Variants in DOCK8 observed in about 807,000 individuals in gnomAD.
DOCK8 encodes dedicator of cytokinesis 8, also known as dedicator of cytokinesis protein 8.
DOCK8 carries 141 observed loss-of-function variants against 245.6 expected under a neutral mutation model. That is an observed-to-expected ratio of 0.57 (90% CI 0.50 to 0.66). The LOEUF is 0.66. Ranked by LOEUF, DOCK8 falls within the 30% of genes least tolerant of loss-of-function variation. The probability of loss-of-function intolerance (pLI) is 0.00; values close to 1 mark genes in which losing one functional copy is unlikely to be tolerated. For synonymous variants in DOCK8, 1,168 were observed against 970.2 expected (o/e 1.20, Z -3.79); for missense variants, 2,965 against 2,603.4 (o/e 1.14, Z -3.02).
intron 1 of DOCK8, among the ~76,000 whole-genome samples, chr9:229,218 C>G (rs1468086268): frequency 2.6e-5 from 4 of 152,106 alleles, no homozygotes; most frequent in Admixed American, 2.6e-4. Flanking sequence ...AAAATTAATA[C>G]TATCCCGTTT....
At position 370,286 on chromosome 9, in the gene DOCK8, T is replaced by C. The variant is rs1402573131; in HGVS notation, c.1854T>C (p.Val618=). 1 of 1,614,020 alleles carries C rather than the reference T, an allele frequency of 6.2e-7. No homozygotes were observed. Among genetic ancestry groups the C allele is most frequent in the East Asian group, 2.2e-5 (1 of 44,888 alleles). ...PEFLQEVYTA[V]TYHNKSPDFY... ...TTCTGCAGGAAGTGTACACAGCTGT[T>C]ACATACCATAATAAGTAAGTCTATT... is the stretch of plus-strand genomic sequence containing the variant. The change falls in exon 16 of 48, where the codon GTT becomes GTC. Residue 618 remains valine, a synonymous_variant. Transcript: ENST00000432829.
chr9:252,132 C>G (rs926698518), intron 1 of DOCK8, among the ~76,000 whole-genome samples: 3 of 151,916 alleles, frequency 2.0e-5, no homozygotes, highest in Admixed American at 6.6e-5. Context: ...TGCCACCATG[C>G]CCGGCTAATT....
intron 6 of DOCK8, among the ~76,000 whole-genome samples, chr9:315,657 G>A (rs191889137): frequency 4.6e-5 from 7 of 152,232 alleles, no homozygotes; most frequent in Non-Finnish European, 7.4e-5. Flanking sequence ...AGTATTGAGC[G>A]AGAAAGGTGG....
intron 1 of DOCK8, 80 bp from the exon 2 acceptor site, chr9:271,547 T>C: frequency 2.7e-6 from 3 of 1,128,586 alleles, no homozygotes. Flanking sequence ...TTTTATAACA[T>C]GATATCAAAG....
intron 6 of DOCK8, chr9:312,478 C>A: frequency 2.0e-6 from 1 of 501,860 alleles, no homozygotes; most frequent in Non-Finnish European, 3.9e-6. Flanking sequence ...TCACACCCAG[C>A]AAGTCAAACC....
At chr9:294,674 C>T (rs2049180106) in intron 4 of DOCK8, among the ~76,000 whole-genome samples, 1 of 152,104 alleles carries the variant, frequency 6.6e-6, no homozygotes, top group Non-Finnish European at 1.5e-5. Flanking sequence ...TTGTAATTGC[C>T]AAGACTGCAT....
Position 382,643 on chromosome 9 carries a change from C to T in DOCK8, c.2736C>T (p.His912=). ...GTAACCCAGACCTCGCGGGGACACA[C>T]TCCGCAGCAGACGAGGAAGTGAAGA... The part of the protein sequence containing the change: ...SSSNPDLAGT[H]SAADEEVKNI... Residue 912 remains histidine, a synonymous_variant, in exon 22 of 48, where the codon CAC becomes CAT. Transcript: ENST00000432829. 1 of 1,614,184 alleles carries T rather than the reference C, an allele frequency of 6.2e-7. No individual in the cohort carries two copies. The highest frequency in any genetic ancestry group is 8.5e-7 in the Non-Finnish European group (1 of 1,180,040).
chr9:405,298 G>A (rs1363373306), intron 27 of DOCK8, among the ~76,000 whole-genome samples: 2 of 152,130 alleles, frequency 1.3e-5, no homozygotes, highest in Non-Finnish European at 1.5e-5. Flanking sequence ...ATCAGGTTAA[G>A]TAAAGCCAAG....
chr9:357,150 G>A (rs1272543060), intron 14 of DOCK8, among the ~76,000 whole-genome samples: 2 of 152,150 alleles, frequency 1.3e-5, no homozygotes, highest in East Asian at 1.9e-4. Flanking sequence ...GCTTTATTTA[G>A]CAGAAGGAAT....
At chr9:275,328 A>G (rs368845904) in intron 2 of DOCK8, among the ~76,000 whole-genome samples, 1 of 152,212 alleles carries the variant, frequency 6.6e-6, no homozygotes, top group African/African-American at 2.4e-5. Flanking sequence ...AATGTAGAAT[A>G]TACTGGCTTC....
In DOCK8 at chr9:266,503, C is replaced by T. The variant is rs547381918; in HGVS notation, c.54-5124C>T. Among the ~76,000 whole-genome samples, 13 of 152,310 alleles carry T rather than the reference C, an allele frequency of 8.5e-5. 1 individual carries two copies. The South Asian group carries it at 2.7e-3, about 32-fold the overall frequency. ...AAATACAGTTTTCCAGGCTATACCA[C>T]AAGAGATGCTAATACAGGACTGGGG... On this transcript the variant is annotated intron_variant, in intron 1 of 47. Coordinates refer to ENST00000432829, the MANE Select transcript of DOCK8 (RefSeq NM_203447.4).
chr9:449,760 C>T (rs756517337), intron 44 of DOCK8, 24 bp from the exon 45 acceptor site: 4 of 1,612,130 alleles, frequency 2.5e-6, no homozygotes, highest in East Asian at 2.2e-5. Context: ...CAGTGACTTC[C>T]CTATGTTTAC....
At chr9:333,562 C>T (rs549690339) in intron 10 of DOCK8, among the ~76,000 whole-genome samples, 23 of 150,920 alleles carry the variant, frequency 1.5e-4, no homozygotes, top group South Asian at 8.4e-4. Context: ...GATCGTGCCA[C>T]TGCACTCCAG....
chr9:294,367 G>A (rs578239377), intron 4 of DOCK8, among the ~76,000 whole-genome samples: 7 of 152,292 alleles, frequency 4.6e-5, no homozygotes, highest in South Asian at 4.1e-4. Flanking sequence ...CAGAAAAGTC[G>A]TGCTGTTTCA....
intron 14 of DOCK8, among the ~76,000 whole-genome samples, chr9:341,263 A>G (rs1359179338): frequency 2.0e-5 from 3 of 152,214 alleles, no homozygotes; most frequent in East Asian, 1.9e-4. Context: ...TGAAGGCCTA[A>G]CAGGTTGGGC....
chr9:449,405 AG>A (rs965847354), intron 44 of DOCK8, among the ~76,000 whole-genome samples: 4 of 149,360 alleles, frequency 2.7e-5, no homozygotes, highest in African/African-American at 9.8e-5. Flanking sequence ...TAATAGGAAA[AG>A]GCACCTGACA....
intron 28 of DOCK8, among the ~76,000 whole-genome samples, 175 bp from the exon 29 acceptor site, chr9:414,607 C>T (rs1031310668): frequency 5.0e-4 from 76 of 151,880 alleles, no homozygotes; most frequent in African/African-American, 1.8e-3. Flanking sequence ...CTTGGTTTTC[C>T]AGGGTTAGAA....
At chr9:361,126 C>T (rs2052708337) in intron 14 of DOCK8, among the ~76,000 whole-genome samples, 1 of 152,126 alleles carries the variant, frequency 6.6e-6, no homozygotes, top group Non-Finnish European at 1.5e-5. Flanking sequence ...GTGATCACGC[C>T]ACAGCACTCC....
At chr9:382,184 T>G (rs57214203) in intron 21 of DOCK8, among the ~76,000 whole-genome samples, 1 of 152,186 alleles carries the variant, frequency 6.6e-6, no homozygotes, top group South Asian at 2.1e-4. Context: ...CATTTTTAGC[T>G]TCTCATGAGA....
Sources: allele counts gnomAD v4.1 joint callset (sites outside exome capture counted in the v4.1 genomes callset), GRCh38; gene constraint gnomAD v4.1.1; transcripts MANE v1.5; gene names NCBI Gene and HGNC (gene_info 2026-07-23, HGNC 2026-07-21).